TSPAN11: variants seen among roughly 807,000 people sequenced by gnomAD.
TSPAN11 encodes tetraspanin-11.
TSPAN11 carries 29 observed loss-of-function variants against 32.9 expected under a neutral mutation model. The observed-to-expected ratio is 0.88, with a 90% CI of 0.66 to 1.20. TSPAN11 has a LOEUF of 1.20. Among genes scored for constraint, TSPAN11 ranks in the 50% most tolerant of loss-of-function variants. TSPAN11 has a pLI of 0.00. For missense variants in TSPAN11, 283 were observed against 329.1 expected (o/e 0.86, Z 1.08); for synonymous variants, 140 against 141.3 (o/e 0.99, Z 0.07).
chr12:30,966,613 T>TAAG (rs201418904), intron 3 of TSPAN11, among the ~76,000 whole-genome samples: 1,711 of 152,292 alleles, frequency 0.011, 26 homozygotes, highest in African/African-American at 0.039. Context: ...GAATCACCTC[T>TAAG]AAGAGTCTGC....
At chr12:30,984,549 T>C (rs1051467235) in intron 7 of TSPAN11, among the ~76,000 whole-genome samples, 3 of 144,528 alleles carry the variant, frequency 2.1e-5, no homozygotes, top group Admixed American at 7.0e-5. Flanking sequence ...TCTTCGCTTT[T>C]TGCTTTTTTT....
chr12:30,944,732 T>C (rs930107459), intron 1 of TSPAN11, among the ~76,000 whole-genome samples: 2 of 152,216 alleles, frequency 1.3e-5, no homozygotes, highest in African/African-American at 2.4e-5. Context: ...GACAATATGG[T>C]TGAACCTGGA....
chr12:30,995,948 C>T lies in TSPAN11; in HGVS notation c.*4033C>T, dbSNP rs1234000854. 6.6e-6 allele frequency: 1 copy of T among 152,162 alleles called. No individual in the cohort carries two copies. Among genetic ancestry groups the T allele is most frequent in the Admixed American group, 6.5e-5 (1 of 15,280 alleles). 9.4% of individuals were successfully genotyped at this position (152,162 alleles called of 1,614,324 possible). ...AAACACCAAAGGAAGATGCAGCCAC[C>T]CTCCTTTACATGTCACAACGCTCAG... On this transcript the variant is annotated 3_prime_UTR_variant, in exon 8 of 8. Coordinates refer to ENST00000546076, the MANE Select transcript of TSPAN11 (RefSeq NM_001370302.1).
chr12:30,992,378 G>T lies in TSPAN11; in HGVS notation c.*463G>T. The T allele has an allele frequency of 4.9e-6, 1 of 202,676 alleles. No individual in the cohort carries two copies. Among genetic ancestry groups the T allele is most frequent in the Non-Finnish European group, 1.0e-5 (1 of 97,094 alleles). The allele number at this position is 202,676 out of a possible 1,614,324, so 12.6% of individuals were successfully genotyped here. A position where few individuals can be genotyped will look rare whatever the true frequency, so the allele number is the denominator to read the frequency against. On this transcript the variant is annotated 3_prime_UTR_variant, in exon 8 of 8. Transcript: ENST00000546076. ...TCTGGAAAAAGCATGGGGTGGGGCA[G>T]GGAGGGCTGGCATTTCCCCCAGAAG...
At chr12:30,997,790 G>A (rs905213543), downstream of TSPAN11, among the ~76,000 whole-genome samples, 7 of 152,170 alleles carry the variant, frequency 4.6e-5, no homozygotes, top group Non-Finnish European at 1.0e-4. Context: ...TGGTCAGGGG[G>A]GTGGCTGAGA....
chr12:30,946,830 TTGGGGCTGTCCC>T (rs1031218167), intron 1 of TSPAN11, among the ~76,000 whole-genome samples: 45 of 152,250 alleles, frequency 3.0e-4, no homozygotes, highest in African/African-American at 9.1e-4. Flanking sequence ...TCCCTCTCCT[TTGGGGCTGTCCC>T]TGGGGCTGTC....
intron 2 of TSPAN11, among the ~76,000 whole-genome samples, chr12:30,957,608 A>C (rs974795169): frequency 6.6e-6 from 1 of 151,900 alleles, no homozygotes; most frequent in Non-Finnish European, 1.5e-5. Flanking sequence ...TCCAGAATAT[A>C]AAAGGGGTTG....
At chr12:30,999,328 A>G (rs2140320555), downstream of TSPAN11, 1 of 152,318 alleles carries the variant, frequency 6.6e-6, no homozygotes, top group Middle Eastern at 3.4e-3. Context: ...GAAAATAAAA[A>G]AAAGAAAAAG....
At chr12:30,926,874 C>A in intron 1 of TSPAN11, 78 bp downstream of exon 1, 1 of 1,202,876 alleles carries the variant, frequency 8.3e-7, no homozygotes, top group South Asian at 1.4e-5. Context: ...CCTCCACCTC[C>A]GCTGCCCGCC....
rs757564833 is a variant in TSPAN11, at chr12:30,963,777, C to G, written c.85-49C>G. Reference sequence around the variant, plus strand: ...CCTGTGGGCACTGAACGGATAGCAGCTGCCGAGGCCCCCGCCACCCCCTGC... The same window carrying G: ...CCTGTGGGCACTGAACGGATAGCAGGTGCCGAGGCCCCCGCCACCCCCTGC... On this transcript the variant is annotated intron_variant, in intron 2 of 7. Coordinates refer to ENST00000546076, the MANE Select transcript of TSPAN11 (RefSeq NM_001370302.1). 4 of 1,573,684 alleles carry G rather than the reference C, an allele frequency of 2.5e-6. No homozygotes were observed. In the East Asian group the frequency reaches 9.0e-5, roughly 35 times the overall value.
the TSPAN11 span, among the ~76,000 whole-genome samples, chr12:31,012,124 A>T: frequency 6.6e-6 from 1 of 152,246 alleles, no homozygotes; most frequent in African/African-American, 2.4e-5. Flanking sequence ...CTGATGGCCC[A>T]AGGCTGACTG....
intron 2 of TSPAN11, among the ~76,000 whole-genome samples, chr12:30,959,504 G>A (rs541326825): frequency 8.5e-4 from 130 of 152,222 alleles, no homozygotes; most frequent in African/African-American, 3.1e-3. Context: ...ACCGCGCCAC[G>A]CCCTGGAGTT....
chr12:30,957,228 A>ACCCCCCCCCCCC (rs56296744), intron 2 of TSPAN11, among the ~76,000 whole-genome samples: 8 of 107,404 alleles, frequency 7.4e-5, no homozygotes, highest in South Asian at 3.1e-4. Context: ...ATGGCCTGGG[A>ACCCCCCCCCCCC]CCCCCCCCCC....
the TSPAN11 span, chr12:31,006,092 T>C: frequency 6.5e-6 from 1 of 152,780 alleles, no homozygotes; most frequent in Non-Finnish European, 1.5e-5. Context: ...GCAAGGCCTG[T>C]GGTAGCACAG....
chr12:31,012,103 C>G, the TSPAN11 span, among the ~76,000 whole-genome samples: 1 of 152,256 alleles, frequency 6.6e-6, no homozygotes, highest in African/African-American at 2.4e-5. Flanking sequence ...GCGGGACAGA[C>G]AGAGCCAGGC....
rs58500177 is a variant in TSPAN11, at chr12:30,931,879, C to CAAA, written c.-12+5101_-12+5103dup. Among the ~76,000 whole-genome samples, 59 of 60,884 alleles carry CAAA rather than the reference C, an allele frequency of 9.7e-4. 6 individuals are homozygous for CAAA. Among genetic ancestry groups the CAAA allele is most frequent in the African/African-American group, 3.1e-3 (50 of 15,984 alleles). 39.9% of individuals were successfully genotyped at this position (60,884 alleles called of 152,430 possible). A position where few individuals can be genotyped will look rare whatever the true frequency, so the allele number is the denominator to read the frequency against. On this transcript the variant is annotated intron_variant, in intron 1 of 7. Transcript: ENST00000546076. ...TGGGCGACAGAGTGAGACGCTGTAT[C>CAAA]AAAAAAAAAAAAAAAAAAAAGAGTC...
chr12:30,967,598 A>C (rs1938759089), intron 3 of TSPAN11, among the ~76,000 whole-genome samples: 1 of 151,804 alleles, frequency 6.6e-6, no homozygotes, highest in African/African-American at 2.4e-5. Flanking sequence ...GGTCCAAGTC[A>C]CTAAACAGAC....
chr12:30,988,900 A>T (rs540916750), intron 7 of TSPAN11, among the ~76,000 whole-genome samples: 1 of 152,150 alleles, frequency 6.6e-6, no homozygotes. Context: ...ATCTGGAGGC[A>T]CTCCACTTTG....
downstream of TSPAN11, among the ~76,000 whole-genome samples, chr12:30,999,958 G>A (rs1014464787): frequency 3.3e-5 from 5 of 151,026 alleles, no homozygotes; most frequent in African/African-American, 1.2e-4. Context: ...GGGAAGTCCC[G>A]AATAGCAGCA....
Sources: gnomAD v4.1 joint callset for allele counts (sites outside exome capture counted in the v4.1 genomes callset) on GRCh38, gnomAD v4.1.1 for gene constraint, MANE v1.5 for transcripts, NCBI Gene and HGNC (gene_info 2026-07-23, HGNC 2026-07-21) for gene names.